TUBGCP2: variants seen among roughly 807,000 people sequenced by gnomAD.
TUBGCP2 encodes the protein tubulin gamma complex component 2, also known as gamma-tubulin complex component 2.
Under a neutral mutation model 92.2 loss-of-function variants are expected in TUBGCP2, and 55 were observed. That is an observed-to-expected ratio of 0.60 (90% CI 0.48 to 0.75). The LOEUF (loss-of-function observed/expected upper bound fraction) is 0.75, where lower values mean the gene tolerates loss of function less well. Ranked by LOEUF, TUBGCP2 falls within the 30% of genes least tolerant of loss-of-function variation. The pLI is 0.00. For synonymous variants in TUBGCP2, 533 were observed against 505.2 expected (o/e 1.06, Z -0.74); for missense variants, 1,093 against 1,188.9 (o/e 0.92, Z 1.19).
At chr10:133,309,953 G>A, upstream of TUBGCP2, 1 of 1,613,252 alleles carries the variant, frequency 6.2e-7, no homozygotes, top group Non-Finnish European at 8.5e-7. Context: ...CGCTCTTCCA[G>A]ATCCTGTCTG....
chr10:133,289,109 G>T, intron 9 of TUBGCP2, 89 bp from the exon 10 acceptor site: 1 of 1,418,768 alleles, frequency 7.0e-7, no homozygotes, highest in Non-Finnish European at 9.6e-7. Context: ...CAGTGGAATG[G>T]ACATTGAATG....
chr10:133,309,251 A>C (rs1847925910), upstream of TUBGCP2: 1 of 1,333,566 alleles, frequency 7.5e-7, no homozygotes, highest in African/African-American at 1.5e-5. Context: ...GCGGGGCCGG[A>C]ACGTGGAGTG....
At position 133,302,775 on chromosome 10, in the gene TUBGCP2, C is replaced by T. The variant is rs370314512; in HGVS notation, c.150+17G>A. 7 of 1,612,040 alleles carry T rather than the reference C, an allele frequency of 4.3e-6. No individual in the cohort carries two copies. In the Admixed American group the frequency reaches 1.0e-4, roughly 23 times the overall value. ...AGTGCTCACCCTGCACAGCGCTACA[C>T]CAAGGGCAGTGCTCACCTTGGCACT... On this transcript the variant is annotated intron_variant, in intron 2 of 17. Transcript: ENST00000252936.
At position 133,285,039 on chromosome 10, in the gene TUBGCP2, C is replaced by G. The variant is rs1430399587; in HGVS notation, c.2024+46G>C. ...CGCTGCACCACTGGGCAGAGTGCAG[C>G]GAGCGCTGCTTCAGGAGGGCATGCG... On this transcript the variant is annotated intron_variant, in intron 13 of 17. Transcript: ENST00000252936. The surrounding 1 kb of genome is among the most constrained non-coding windows in gnomAD (Gnocchi z 6.8). The G allele has an allele frequency of 1.3e-6, 2 of 1,560,094 alleles. No homozygotes were observed. The highest frequency in any genetic ancestry group is 1.3e-5 in the African/African-American group (1 of 74,182).
intron 8 of TUBGCP2, among the ~76,000 whole-genome samples, chr10:133,291,853 T>TCTGTGTCCCC (rs1427803441): frequency 2.7e-4 from 4 of 14,786 alleles, no homozygotes; most frequent in Admixed American, 7.7e-4. Context: ...TCCGTGTCCC[T>TCTGTGTCCCC]GTGTCCCGGG....
chr10:133,281,331 G>C lies in TUBGCP2; in HGVS notation c.2515C>G (p.Arg839Gly). 1 of 1,613,502 alleles carries C rather than the reference G, an allele frequency of 6.2e-7. No individual in the cohort carries two copies. Among genetic ancestry groups the C allele is most frequent in the Non-Finnish European group, 8.5e-7 (1 of 1,179,992 alleles). ...TCACTGGTGCTATAGATGCTCAGCC[G>C]GGCCAGGAGGTCCAGCAGGTGGGCT... ...FSAHLLDLLARLSIYSTSDCE... is the reference protein window; with the variant it reads ...FSAHLLDLLAGLSIYSTSDCE... Residue 839 changes from arginine to glycine, a missense_variant, in exon 17 of 18, where the codon CGG (arginine) becomes GGG (glycine). Physicochemically the swap from Arg to Gly is moderately radical, Grantham distance 125. Coordinates refer to ENST00000252936, the MANE Select transcript of TUBGCP2 (RefSeq NM_006659.4).
At chr10:133,288,764 A>T in intron 10 of TUBGCP2, 76 bp downstream of exon 10, 1 of 1,455,382 alleles carries the variant, frequency 6.9e-7, no homozygotes, top group Non-Finnish European at 9.2e-7. Flanking sequence ...AAACCCAGCG[A>T]TCTCAGCCCC....
At chr10:133,292,924 C>A in intron 7 of TUBGCP2, 115 bp downstream of exon 7, 2 of 1,261,694 alleles carry the variant, frequency 1.6e-6, no homozygotes, top group South Asian at 1.5e-5. Context: ...TTTGGCCACA[C>A]GCCCCTGCCC....
intron 8 of TUBGCP2, among the ~76,000 whole-genome samples, chr10:133,291,281 G>GTGTCCCCCATGTCCCCCA (rs1847290309): frequency 2.8e-5 from 2 of 70,814 alleles, no homozygotes; most frequent in African/African-American, 3.4e-4. Flanking sequence ...ATGTCCCTCC[G>GTGTCCCCCATGTCCCCCA]TGTCCCTGTG....
intron 2 of TUBGCP2, chr10:133,301,783 C>T (rs1349514723): frequency 7.7e-6 from 1 of 129,250 alleles, no homozygotes; most frequent in African/African-American, 3.0e-5. Context: ...CACGATATCT[C>T]GGCTCACTGC....
Position 133,285,744 on chromosome 10 carries a change from C to T in TUBGCP2, c.1723-116G>A, listed in dbSNP as rs553069685. 62 of 1,005,020 alleles carry T rather than the reference C, an allele frequency of 6.2e-5. No individual in the cohort carries two copies. The highest frequency in any genetic ancestry group is 1.1e-4 in the Admixed American group (3 of 26,558). 62.3% of individuals were successfully genotyped at this position (1,005,020 alleles called of 1,614,324 possible). A position where few individuals can be genotyped will look rare whatever the true frequency, so the allele number is the denominator to read the frequency against. Reference sequence around the variant, plus strand: ...CGCTGACGTAAGGTTCCCTACATTCCGATTCTAAATATCAGAGGCTTTTCA... The same window carrying T: ...CGCTGACGTAAGGTTCCCTACATTCTGATTCTAAATATCAGAGGCTTTTCA... On this transcript the variant is annotated intron_variant, in intron 11 of 17. Transcript: ENST00000252936. This position sits in a 1 kb window ranked among gnomAD's most constrained non-coding sequence, Gnocchi z 6.8.
chr10:133,309,131 G>C (rs755644687), upstream of TUBGCP2: 3 of 1,362,058 alleles, frequency 2.2e-6, no homozygotes, highest in Admixed American at 1.1e-4. Flanking sequence ...GTAGTTGTAG[G>C]ATCCAGTGGG....
chr10:133,285,123 G>C lies in TUBGCP2; in HGVS notation c.1986C>G (p.Asn662Lys). ...GCAGCGAGTGCTGCTTGGCGGTTTTGTTGCTGATCCAGACGCTGCAGAGCT... is the reference window on the plus strand; with the variant it reads ...GCAGCGAGTGCTGCTTGGCGGTTTTCTTGCTGATCCAGACGCTGCAGAGCT... ...ERQLCSVWISNKTAKQHSLHS... is the reference protein window; with the variant it reads ...ERQLCSVWISKKTAKQHSLHS... Residue 662 changes from asparagine (N) to lysine (K), a missense_variant, in exon 13 of 18, where the codon AAC (asparagine) becomes AAG (lysine). Physicochemically the swap from Asn to Lys is moderately conservative, Grantham distance 94. This residue lies in a region of TUBGCP2 where 598 missense variants were observed against 675.5 expected (regional missense o/e 0.89). Coordinates refer to ENST00000252936, the MANE Select transcript of TUBGCP2 (RefSeq NM_006659.4). This position sits in a 1 kb window ranked among gnomAD's most constrained non-coding sequence, Gnocchi z 6.8. The C allele has an allele frequency of 6.2e-7, 1 of 1,611,606 alleles. No individual in the cohort carries two copies. Among genetic ancestry groups the C allele is most frequent in the Non-Finnish European group, 8.5e-7 (1 of 1,178,338 alleles).
upstream of TUBGCP2, chr10:133,309,270 C>T (rs1045258439): frequency 4.0e-5 from 55 of 1,379,622 alleles, no homozygotes; most frequent in East Asian, 1.1e-3. Flanking sequence ...TGGGCGGGGC[C>T]TGAGGCTGTG....
At chr10:133,304,653 C>T (rs546628918) in intron 1 of TUBGCP2, among the ~76,000 whole-genome samples, 2 of 152,162 alleles carry the variant, frequency 1.3e-5, no homozygotes, top group Non-Finnish European at 2.9e-5. Context: ...TCCAGTGTAA[C>T]AAAATATATA....
Position 133,285,640 on chromosome 10 carries a change from G to A in TUBGCP2, c.1723-12C>T. 1 of 1,501,524 alleles carries A rather than the reference G, an allele frequency of 6.7e-7. No homozygotes were observed. Among genetic ancestry groups the A allele is most frequent in the Non-Finnish European group, 8.9e-7 (1 of 1,125,454 alleles). The allele number at this position is 1,501,524 out of a possible 1,614,324, so 93.0% of individuals were successfully genotyped here. A position where few individuals can be genotyped will look rare whatever the true frequency, so the allele number is the denominator to read the frequency against. On this transcript the variant is annotated splice_polypyrimidine_tract_variant and intron_variant, in intron 11 of 17. Transcript: ENST00000252936. This position sits in a 1 kb window ranked among gnomAD's most constrained non-coding sequence, Gnocchi z 6.8. ...GGCATCAGGTCGATCTTGGAGGGAAGGAAATGAAACAAAGCATCCAGTTTT... is the reference window on the plus strand; with the variant it reads ...GGCATCAGGTCGATCTTGGAGGGAAAGAAATGAAACAAAGCATCCAGTTTT...
chr10:133,281,669 C>T, intron 16 of TUBGCP2: 1 of 591,538 alleles, frequency 1.7e-6, no homozygotes, highest in Non-Finnish European at 2.9e-6. Context: ...TGGTCACTCT[C>T]CTTTGGGGTG....
chr10:133,286,117 GAA>G (rs1389275316), intron 11 of TUBGCP2, among the ~76,000 whole-genome samples: 1 of 152,094 alleles, frequency 6.6e-6, no homozygotes, highest in African/African-American at 2.4e-5. Flanking sequence ...GACAGGACAG[GAA>G]ATGAAGGGCA....
At position 133,283,789 on chromosome 10, in the gene TUBGCP2, C is replaced by T. The variant is rs1192620944; in HGVS notation, c.2145+93G>A. 5 of 1,558,214 alleles carry T rather than the reference C, an allele frequency of 3.2e-6. No individual in the cohort carries two copies. The East Asian group carries it at 6.8e-5, about 21-fold the overall frequency. ...TTCCCTGCCTCTCCTGCACTCCCTG[C>T]CTCTCCCCTCGCCCTGCCTCTCCTG... On this transcript the variant is annotated intron_variant, in intron 14 of 17. Transcript: ENST00000252936.
Sources: allele counts gnomAD v4.1 joint callset (sites outside exome capture counted in the v4.1 genomes callset), GRCh38; gene constraint gnomAD v4.1.1; regional missense constraint gnomAD v4.1.1; non-coding constraint Gnocchi (gnomAD v3.1); transcripts MANE v1.5; gene names NCBI Gene and HGNC (gene_info 2026-07-23, HGNC 2026-07-21).